The following PALM2AKAP2 variants were observed in gnomAD, a reference collection of about 807,000 sequenced individuals.
PALM2AKAP2 encodes the protein PALM2 and AKAP2 fusion, also known as PALM2-AKAP2 fusion protein.
Under a neutral mutation model 71.5 loss-of-function variants are expected in PALM2AKAP2, and 37 were observed. The observed-to-expected ratio is 0.52, with a 90% CI of 0.40 to 0.68. The LOEUF (loss-of-function observed/expected upper bound fraction) is 0.68. Ranked by LOEUF, PALM2AKAP2 falls within the 30% of genes least tolerant of loss-of-function variation. PALM2AKAP2 has a pLI of 0.00. For synonymous variants in PALM2AKAP2, 468 were observed against 478.8 expected (o/e 0.98, Z 0.29); for missense variants, 1,224 against 1,191.8 (o/e 1.03, Z -0.40).
At chr9:109,909,262 C>T (rs1830519419) in intron 3 of PALM2AKAP2, among the ~76,000 whole-genome samples, 1 of 152,208 alleles carries the variant, frequency 6.6e-6, no homozygotes, top group African/African-American at 2.4e-5. Flanking sequence ...TCTGCATCCT[C>T]CTGCTTCAGA....
At chr9:109,823,259 A>G (rs539311510) in intron 1 of PALM2AKAP2, among the ~76,000 whole-genome samples, 1 of 152,242 alleles carries the variant, frequency 6.6e-6, no homozygotes, top group East Asian at 1.9e-4. Context: ...CTACACATCC[A>G]ACCAGAGATG....
chr9:110,046,770 G>T, upstream of PALM2AKAP2, among the ~76,000 whole-genome samples: 1 of 152,228 alleles, frequency 6.6e-6, no homozygotes, highest in South Asian at 2.1e-4. Context: ...ACCCGGCCTT[G>T]CTTTACTGTT....
chr9:109,929,887 A>AAAAAAAAAT (rs768243071), intron 5 of PALM2AKAP2, among the ~76,000 whole-genome samples: 1 of 143,630 alleles, frequency 7.0e-6, no homozygotes, highest in Non-Finnish European at 1.5e-5. Context: ...AAAAAAAAAA[A>AAAAAAAAAT]GAGAGAGAAT....
chr9:109,997,807 C>A (rs943700098), intron 6 of PALM2AKAP2, among the ~76,000 whole-genome samples: 3 of 145,546 alleles, frequency 2.1e-5, no homozygotes, highest in Admixed American at 2.0e-4. Context: ...GAGGGTGGGA[C>A]GGGGTTGCAT....
intron 1 of PALM2AKAP2, among the ~76,000 whole-genome samples, chr9:110,117,894 T>C (rs999098046): frequency 3.3e-5 from 5 of 150,858 alleles, no homozygotes; most frequent in African/African-American, 9.8e-5. Context: ...GAGAGAGAAC[T>C]ATAGAGAGAG....
chr9:110,170,081 A>G (rs1006113760), exon 4 of PALM2AKAP2: 2 of 152,538 alleles, frequency 1.3e-5, no homozygotes, highest in African/African-American at 4.8e-5. Flanking sequence ...CTTTACATTC[A>G]TGCTTAGTAT....
intron 6 of PALM2AKAP2, among the ~76,000 whole-genome samples, chr9:109,977,534 T>G (rs1182915309): frequency 6.6e-6 from 1 of 152,230 alleles, no homozygotes; most frequent in Non-Finnish European, 1.5e-5. Context: ...ATCATGTGTT[T>G]CCTGATGGTT....
At chr9:109,882,867 T>A (rs1829885189) in intron 3 of PALM2AKAP2, among the ~76,000 whole-genome samples, 1 of 152,112 alleles carries the variant, frequency 6.6e-6, no homozygotes, top group South Asian at 2.1e-4. Context: ...TAGGCTGGTC[T>A]TGAACTGCTG....
At chr9:109,645,151 A>G (rs967199471) in intron 1 of PALM2AKAP2, among the ~76,000 whole-genome samples, 1 of 152,254 alleles carries the variant, frequency 6.6e-6, no homozygotes, top group Non-Finnish European at 1.5e-5. Flanking sequence ...AAGAGGTTTA[A>G]TGGTGAACTC....
At chr9:109,898,918 T>C (rs1268657901) in intron 3 of PALM2AKAP2, among the ~76,000 whole-genome samples, 1 of 152,198 alleles carries the variant, frequency 6.6e-6, no homozygotes, top group African/African-American at 2.4e-5. Flanking sequence ...CTATTTCTTC[T>C]TGAAACACAC....
intron 1 of PALM2AKAP2, among the ~76,000 whole-genome samples, chr9:110,063,958 G>A (rs1797193778): frequency 6.6e-6 from 1 of 152,160 alleles, no homozygotes; most frequent in Admixed American, 6.5e-5. Context: ...AGTTCATGCA[G>A]GCATGGGACA....
In PALM2AKAP2 at chr9:109,719,116, C is replaced by T. The variant is rs900082743; in HGVS notation, c.6-61372C>T. ...AACAATTTTTGAAAATTACTTAATT[C>T]ATCACTGATTGAGCCTGGAAATTAG... On this transcript the variant is annotated intron_variant, in intron 1 of 6. Transcript: ENST00000374531. Among the ~76,000 whole-genome samples the T allele has an allele frequency of 9.9e-5, 15 of 152,132 alleles. No individual in the cohort carries two copies. In the East Asian group the frequency reaches 2.9e-3, roughly 29 times the overall value.
chr9:109,709,761 G>A (rs1828203765), intron 1 of PALM2AKAP2, among the ~76,000 whole-genome samples: 1 of 152,124 alleles, frequency 6.6e-6, no homozygotes, highest in Non-Finnish European at 1.5e-5. Flanking sequence ...TGGCTCACAG[G>A]TCCCTGTGCT....
At chr9:109,840,382 C>T (rs1463612078) in intron 1 of PALM2AKAP2, among the ~76,000 whole-genome samples, 4 of 152,156 alleles carry the variant, frequency 2.6e-5, no homozygotes, top group Admixed American at 1.3e-4. Flanking sequence ...GGATTAAAGA[C>T]GTAAATGGTA....
intron 1 of PALM2AKAP2, among the ~76,000 whole-genome samples, chr9:110,088,186 G>T (rs895142065): frequency 6.6e-6 from 1 of 151,466 alleles, no homozygotes; most frequent in South Asian, 2.1e-4. Flanking sequence ...TTACAGAATT[G>T]TCTGGGGTTT....
intron 6 of PALM2AKAP2, among the ~76,000 whole-genome samples, chr9:109,947,362 C>T (rs1385343501): frequency 6.6e-6 from 1 of 152,154 alleles, no homozygotes; most frequent in African/African-American, 2.4e-5. Context: ...CCTAGAGATA[C>T]AATATCATCT....
chr9:109,722,187 G>A (rs370956115), intron 1 of PALM2AKAP2, among the ~76,000 whole-genome samples: 10 of 152,186 alleles, frequency 6.6e-5, no homozygotes, highest in South Asian at 2.1e-4. Flanking sequence ...GGAGTACTAT[G>A]CAGCTGTTAA....
At chr9:109,841,691 G>GA (rs368550743) in intron 1 of PALM2AKAP2, among the ~76,000 whole-genome samples, 285 of 886 alleles carry the variant, frequency 0.32, 102 homozygotes, top group East Asian at 0.52. Flanking sequence ...AGGGTGGAGG[G>GA]AAGAGGAGAG....
intron 6 of PALM2AKAP2, among the ~76,000 whole-genome samples, chr9:109,997,825 T>G (rs755675673): frequency 1.2e-4 from 19 of 152,224 alleles, no homozygotes; most frequent in Middle Eastern, 3.4e-3. Flanking sequence ...CATCCTGCCC[T>G]CCTCCTTCAA....
Sources: allele counts gnomAD v4.1 joint callset (sites outside exome capture counted in the v4.1 genomes callset), GRCh38; gene constraint gnomAD v4.1.1; transcripts MANE v1.5; gene names NCBI Gene and HGNC (gene_info 2026-07-23, HGNC 2026-07-21).